Variants in CYP2C18 observed in about 807,000 individuals in gnomAD.
CYP2C18 encodes cytochrome P450 family 2 subfamily C member 18.
Under a neutral mutation model 41.3 loss-of-function variants are expected in CYP2C18, and 38 were observed. The ratio of observed to expected loss-of-function variants is 0.92; its 90% confidence interval spans 0.71 to 1.21. CYP2C18 has a LOEUF of 1.21. Ranked by LOEUF, CYP2C18 falls within the 50% of genes most tolerant of loss-of-function variation. The pLI, the probability that CYP2C18 is intolerant of heterozygous loss-of-function variation, is 0.00. For missense variants in CYP2C18, 635 were observed against 591.4 expected, an observed-to-expected ratio of 1.07 and a Z score of -0.77; for synonymous variants, 236 against 210.0, an observed-to-expected ratio of 1.12 and a Z score of -1.07.
At position 94,683,780 on chromosome 10, in the gene CYP2C18, T is replaced by C; in HGVS notation, c.-40T>C. 6.6e-7 allele frequency: 1 copy of C among 1,515,544 alleles called. No individual in the cohort carries two copies. Among genetic ancestry groups the C allele is most frequent in the Middle Eastern group, 2.3e-4 (1 of 4,374 alleles). 93.9% of individuals were successfully genotyped at this position (1,515,544 alleles called of 1,614,324 possible). Reference sequence around the variant, plus strand: ...AGGGAGTGTTATAAAAGCCTTGAAGTGAAAGCCCGCAGTTGTCTTACTAAG... The same window carrying C: ...AGGGAGTGTTATAAAAGCCTTGAAGCGAAAGCCCGCAGTTGTCTTACTAAG... On this transcript the variant is annotated 5_prime_UTR_variant, in exon 1 of 9. Coordinates refer to ENST00000285979, the MANE Select transcript of CYP2C18 (RefSeq NM_000772.3).
chr10:94,733,766 G>A (rs552653260), intron 8 of CYP2C18: 1 of 209,376 alleles, frequency 4.8e-6, no homozygotes, highest in African/African-American at 2.4e-5. Context: ...TCTGCCATGA[G>A]AAAAGTATCT....
intron 6 of CYP2C18, among the ~76,000 whole-genome samples, chr10:94,722,456 A>G (rs1847663330): frequency 6.6e-6 from 1 of 152,160 alleles, no homozygotes; most frequent in South Asian, 2.1e-4. Context: ...TTAAAGTTGG[A>G]GTATAACCAT....
At chr10:94,722,161 A>G (rs1271769850) in intron 6 of CYP2C18, among the ~76,000 whole-genome samples, 1 of 152,166 alleles carries the variant, frequency 6.6e-6, no homozygotes, top group African/African-American at 2.4e-5. Context: ...AAGTATTTTA[A>G]ACACTTAGGT....
chr10:94,722,206 T>C (rs1432221703), intron 6 of CYP2C18, among the ~76,000 whole-genome samples: 2 of 152,128 alleles, frequency 1.3e-5, no homozygotes, highest in African/African-American at 4.8e-5. Flanking sequence ...AAGCAGAAAA[T>C]GTGCCTGAGG....
At chr10:94,716,029 AT>A (rs1275183324) in intron 5 of CYP2C18, among the ~76,000 whole-genome samples, 2 of 152,120 alleles carry the variant, frequency 1.3e-5, no homozygotes, top group Non-Finnish European at 2.9e-5. Flanking sequence ...CAGTGGTGAT[AT>A]CCCCTTTAAC....
At chr10:94,688,934 C>A (rs146664461) in intron 3 of CYP2C18, among the ~76,000 whole-genome samples, 35 of 152,196 alleles carry the variant, frequency 2.3e-4, no homozygotes, top group African/African-American at 8.2e-4. Context: ...CATGTACTTT[C>A]ATTTGTTTGG....
rs201693884 is a variant in CYP2C18, at chr10:94,727,614, CA to C, written c.1149+3089del. On this transcript the variant is annotated intron_variant, in intron 7 of 8. Coordinates refer to ENST00000285979, the MANE Select transcript of CYP2C18 (RefSeq NM_000772.3). ...TGGGTGACAGAGCAAGGCCCTGTCT[CA>C]AAAAAAACAAAAAAAAAAGAGGAAA... 3.4e-3 allele frequency among the ~76,000 whole-genome samples: 482 copies of C among 140,762 alleles called. 1 individual carries two copies. Among genetic ancestry groups the C allele is most frequent in the African/African-American group, 0.012 (463 of 37,504 alleles). The allele number at this position is 140,762 out of a possible 152,430, so 92.3% of individuals were successfully genotyped here. A position where few individuals can be genotyped will look rare whatever the true frequency, so the allele number is the denominator to read the frequency against.
intron 7 of CYP2C18, among the ~76,000 whole-genome samples, chr10:94,732,085 C>T (rs956631272): frequency 2.6e-5 from 4 of 152,154 alleles, no homozygotes; most frequent in African/African-American, 9.7e-5. Context: ...AACTATGCAT[C>T]TGACAAAGGT....
At chr10:94,685,024 TTTAA>T (rs113927077) in intron 1 of CYP2C18, among the ~76,000 whole-genome samples, 56,575 of 149,400 alleles carry the variant, frequency 0.38, 10,942 homozygotes, top group South Asian at 0.49. Context: ...CCTTTGCCCA[TTTAA>T]TTAATTAATT....
intron 2 of CYP2C18, 91 bp downstream of exon 2, chr10:94,688,023 G>A: frequency 1.3e-6 from 2 of 1,595,830 alleles, no homozygotes; most frequent in South Asian, 1.1e-5. Context: ...GGCTTGAAGA[G>A]CTCCTGGGAC....
At chr10:94,692,159 C>A (rs1247848043) in intron 3 of CYP2C18, among the ~76,000 whole-genome samples, 1 of 151,918 alleles carries the variant, frequency 6.6e-6, no homozygotes, top group Non-Finnish European at 1.5e-5. Context: ...GCAACAAAAG[C>A]CAAAATTGAC....
At chr10:94,710,045 T>C (rs1847409879) in intron 5 of CYP2C18, among the ~76,000 whole-genome samples, 1 of 152,114 alleles carries the variant, frequency 6.6e-6, no homozygotes, top group African/African-American at 2.4e-5. Context: ...AATGGTGTGA[T>C]CTTGGCCTCT....
chr10:94,688,984 G>T (rs139123183), intron 3 of CYP2C18, among the ~76,000 whole-genome samples: 61 of 152,144 alleles, frequency 4.0e-4, no homozygotes, highest in Non-Finnish European at 7.4e-4. Context: ...ATGTCTGGGG[G>T]TTTATTCTAA....
chr10:94,731,094 T>C (rs1847823782), intron 7 of CYP2C18, among the ~76,000 whole-genome samples: 1 of 151,668 alleles, frequency 6.6e-6, no homozygotes, highest in African/African-American at 2.4e-5. Context: ...AAAATGGCCA[T>C]ACTGGGCCAG....
At chr10:94,700,754 A>G (rs1847223390) in intron 4 of CYP2C18, among the ~76,000 whole-genome samples, 2 of 152,336 alleles carry the variant, frequency 1.3e-5, no homozygotes, top group South Asian at 4.1e-4. Context: ...CAGAATCTAC[A>G]ATGAACTCAA....
At chr10:94,719,877 T>C (rs1847620073) in intron 5 of CYP2C18, among the ~76,000 whole-genome samples, 1 of 151,372 alleles carries the variant, frequency 6.6e-6, no homozygotes, top group African/African-American at 2.4e-5. Context: ...CCTGGCCAAG[T>C]TTTTGATTTT....
Position 94,701,637 on chromosome 10 carries a change from G to T in CYP2C18, c.643-5147G>T, listed in dbSNP as rs1847247746. On this transcript the variant is annotated intron_variant, in intron 4 of 8. Transcript: ENST00000285979. Reference sequence around the variant, plus strand: ...GTATAATAAAAAATAATTAAAAAAAGAAATTCCTCTCCACCTCTACCACAC... The same window carrying T: ...GTATAATAAAAAATAATTAAAAAAATAAATTCCTCTCCACCTCTACCACAC... Among the ~76,000 whole-genome samples the T allele has an allele frequency of 2.6e-5, 4 of 152,230 alleles. No homozygotes were observed. In the South Asian group the frequency reaches 8.3e-4, roughly 32 times the overall value.
At position 94,703,910 on chromosome 10, in the gene CYP2C18, C is replaced by T. The variant is rs182029977; in HGVS notation, c.643-2874C>T. On this transcript the variant is annotated intron_variant, in intron 4 of 8. Coordinates refer to ENST00000285979, the MANE Select transcript of CYP2C18 (RefSeq NM_000772.3). ...CTAGTTTGTGGGTTGCGACAGGTTG[C>T]GAAGACCGTGGGAAAATTGTAGTAT... is the stretch of plus-strand genomic sequence containing the variant. Among the ~76,000 whole-genome samples, 335 of 152,260 alleles carry T rather than the reference C, an allele frequency of 2.2e-3. 1 individual carries two copies. Among genetic ancestry groups the T allele is most frequent in the Non-Finnish European group, 1.9e-3 (129 of 68,014 alleles).
At chr10:94,701,443 G>A (rs1003476048) in intron 4 of CYP2C18, among the ~76,000 whole-genome samples, 1 of 152,024 alleles carries the variant, frequency 6.6e-6, no homozygotes, top group Non-Finnish European at 1.5e-5. Flanking sequence ...CACGGGAAGG[G>A]GAACATCACA....
Sources: allele counts gnomAD v4.1 joint callset (sites outside exome capture counted in the v4.1 genomes callset), GRCh38; gene constraint gnomAD v4.1.1; transcripts MANE v1.5; gene names NCBI Gene and HGNC (gene_info 2026-07-23, HGNC 2026-07-21).